PDE4D: variants seen among roughly 807,000 people sequenced by gnomAD.
PDE4D encodes phosphodiesterase 4D, also known as 3',5'-cyclic-AMP phosphodiesterase 4D.
In PDE4D, 24 loss-of-function variants were observed where a neutral mutation model predicts 87.4. The ratio of observed to expected loss-of-function variants is 0.27; its 90% confidence interval spans 0.20 to 0.39. PDE4D has a LOEUF of 0.39. PDE4D is among the 10% of genes least tolerant of loss of function. The pLI, the probability that PDE4D is intolerant of heterozygous loss-of-function variation, is 1.00. For synonymous variants in PDE4D, 384 were observed against 383.2 expected (o/e 1.00, Z -0.02); for missense variants, 714 against 1,041.0 (o/e 0.69, Z 4.32).
At chr5:59,320,821 T>A (rs1325569095) in intron 1 of PDE4D, among the ~76,000 whole-genome samples, 1 of 152,074 alleles carries the variant, frequency 6.6e-6, no homozygotes, top group Non-Finnish European at 1.5e-5. Context: ...TCTTTTCTTT[T>A]CTTCCTTCTT....
At chr5:60,087,372 C>T (rs989119784) in intron 2 of PDE4D, among the ~76,000 whole-genome samples, 2 of 152,116 alleles carry the variant, frequency 1.3e-5, no homozygotes, top group African/African-American at 4.8e-5. Flanking sequence ...GGAAATATGA[C>T]ACCACTCAAA....
intron 5 of PDE4D, among the ~76,000 whole-genome samples, chr5:59,075,075 A>AACACACACACACAC (rs70973189): frequency 7.7e-6 from 1 of 129,798 alleles, no homozygotes; most frequent in African/African-American, 2.9e-5. Flanking sequence ...AAGCTTACAA[A>AACACACACACACAC]ACACACACAC....
chr5:59,809,420 G>A (rs1007023477), intron 1 of PDE4D, among the ~76,000 whole-genome samples: 2 of 152,184 alleles, frequency 1.3e-5, no homozygotes, highest in African/African-American at 2.4e-5. Context: ...TTAAAGTGTC[G>A]AAGGAACTAC....
At chr5:60,219,042 A>G (rs1438374153) in intron 1 of PDE4D, among the ~76,000 whole-genome samples, 2 of 152,184 alleles carry the variant, frequency 1.3e-5, no homozygotes, top group African/African-American at 4.8e-5. Context: ...CAGCATTAAT[A>G]AAATAGCATA....
intron 4 of PDE4D, 126 bp from the exon 5 acceptor site, chr5:59,180,770 A>G: frequency 1.1e-6 from 1 of 906,372 alleles, no homozygotes; most frequent in Non-Finnish European, 1.7e-6. Flanking sequence ...CACGCAAATG[A>G]TTTCTTTCAG....
intron 2 of PDE4D, among the ~76,000 whole-genome samples, chr5:60,024,548 A>G (rs955442612): frequency 3.3e-5 from 5 of 152,198 alleles, no homozygotes; most frequent in African/African-American, 1.2e-4. Flanking sequence ...TACTGAGATG[A>G]ATTCAGAACA....
chr5:60,011,838 T>C (rs981348186), intron 2 of PDE4D, among the ~76,000 whole-genome samples: 1 of 152,146 alleles, frequency 6.6e-6, no homozygotes, highest in Admixed American at 6.5e-5. Context: ...CAGCAATTCT[T>C]AAAAAGTGGT....
Position 58,987,825 on chromosome 5 carries a change from A to G in PDE4D, c.1552+668T>C, listed in dbSNP as rs575418042. 3.3e-5 allele frequency among the ~76,000 whole-genome samples: 5 copies of G among 152,312 alleles called. No individual in the cohort carries two copies. In the South Asian group the frequency reaches 1.0e-3, roughly 32 times the overall value. ...ACTTCAAGTACCAAATAGAATTTCT[A>G]TAAACCTAAATCTCTTTACCAAGGG... On this transcript the variant is annotated intron_variant, in intron 11 of 14. Transcript: ENST00000340635.
chr5:60,474,001 T>C (rs1583877477), intron 1 of PDE4D, among the ~76,000 whole-genome samples: 1 of 150,014 alleles, frequency 6.7e-6, no homozygotes, highest in Non-Finnish European at 1.5e-5. Context: ...AATCCTATTC[T>C]TTCCAAGTCA....
chr5:59,648,633 T>C lies in PDE4D; in HGVS notation c.455+244535A>G, dbSNP rs996545118. ...TTCTTGTGAAGTCTGCTGGTCAAGT[T>C]ACCAAATCAGAGGTGCAGAAAGACA... On this transcript the variant is annotated intron_variant, in intron 1 of 14. Transcript: ENST00000340635. Among the ~76,000 whole-genome samples the C allele has an allele frequency of 2.0e-5, 3 of 151,970 alleles. No individual in the cohort carries two copies. In the East Asian group the frequency reaches 5.8e-4, roughly 29 times the overall value.
At chr5:60,299,454 T>C (rs1182469357) in intron 1 of PDE4D, among the ~76,000 whole-genome samples, 1 of 152,158 alleles carries the variant, frequency 6.6e-6, no homozygotes, top group Non-Finnish European at 1.5e-5. Context: ...GTTACACAGG[T>C]AAACATGTGC....
rs570480886 is a variant in PDE4D, at chr5:59,297,095, G to T, written c.456-81127C>A. On this transcript the variant is annotated intron_variant, in intron 1 of 14. Coordinates refer to ENST00000340635, the MANE Select transcript of PDE4D (RefSeq NM_001104631.2). ...TAAGTGTCTTATGAGATTGAAATAGGAGGGATCAACAAAGATTGCAGAAGA... is the reference window on the plus strand; with the variant it reads ...TAAGTGTCTTATGAGATTGAAATAGTAGGGATCAACAAAGATTGCAGAAGA... 5.3e-5 allele frequency among the ~76,000 whole-genome samples: 8 copies of T among 152,124 alleles called. No individual in the cohort carries two copies. The South Asian group carries it at 1.0e-3, about 20-fold the overall frequency.
Position 59,586,502 on chromosome 5 carries a change from TC to T in PDE4D, c.455+306665del. The stretch of plus-strand genomic sequence containing the variant: ...GGCAATTATTGCAACAAGTATTGAA[TC>T]CCAAAAAAAAAAAAAAAATCTCCCC... On this transcript the variant is annotated intron_variant, in intron 1 of 14. Coordinates refer to ENST00000340635, the MANE Select transcript of PDE4D (RefSeq NM_001104631.2). The T allele has an allele frequency of 2.1e-5, 22 of 1,056,054 alleles. No homozygotes were observed. In the South Asian group the frequency reaches 2.4e-4, roughly 12 times the overall value. The allele number at this position is 1,056,054 out of a possible 1,614,324, so 65.4% of individuals were successfully genotyped here.
At chr5:59,893,934 C>T, upstream of PDE4D, 1 of 602,206 alleles carries the variant, frequency 1.7e-6, no homozygotes, top group Non-Finnish European at 2.3e-6. Context: ...GTCCTTCTTC[C>T]TCCCTTTCTT....
intron 1 of PDE4D, among the ~76,000 whole-genome samples, chr5:59,564,523 G>A (rs1820572303): frequency 6.6e-6 from 1 of 152,200 alleles, no homozygotes; most frequent in South Asian, 2.1e-4. Flanking sequence ...CCCGGATGGG[G>A]AAAACCCATT....
At chr5:60,062,506 G>A (rs995796586) in intron 2 of PDE4D, among the ~76,000 whole-genome samples, 2 of 152,100 alleles carry the variant, frequency 1.3e-5, no homozygotes, top group Non-Finnish European at 2.9e-5. Flanking sequence ...AGACAGTGTG[G>A]CAACTCCTCA....
chr5:59,089,002 A>T (rs913163084), intron 5 of PDE4D, among the ~76,000 whole-genome samples: 1 of 152,214 alleles, frequency 6.6e-6, no homozygotes, highest in Admixed American at 6.5e-5. Context: ...TCTCCTCCTC[A>T]TAATTCTTAA....
intron 1 of PDE4D, among the ~76,000 whole-genome samples, chr5:59,448,850 GTC>G (rs1272067893): frequency 6.6e-6 from 1 of 152,072 alleles, no homozygotes; most frequent in East Asian, 1.9e-4. Context: ...GCCTAGGCTA[GTC>G]TTGAACTTCT....
intron 6 of PDE4D, among the ~76,000 whole-genome samples, chr5:59,016,958 A>G (rs1425034737): frequency 6.6e-6 from 1 of 152,210 alleles, no homozygotes; most frequent in Non-Finnish European, 1.5e-5. Flanking sequence ...AACATCGTAC[A>G]TTGATGGGGG....
Sources: gnomAD v4.1 joint callset for allele counts (sites outside exome capture counted in the v4.1 genomes callset) on GRCh38, gnomAD v4.1.1 for gene constraint, MANE v1.5 for transcripts, NCBI Gene and HGNC (gene_info 2026-07-23, HGNC 2026-07-21) for gene names.